The following SLIT3 variants were observed in gnomAD, a reference collection of about 807,000 sequenced individuals.
The protein encoded by SLIT3 is slit homolog 3 protein.
A neutral mutation model predicts 184.0 loss-of-function variants in SLIT3; 68 were observed. The observed-to-expected ratio is 0.37, with a 90% CI of 0.30 to 0.45. The LOEUF (loss-of-function observed/expected upper bound fraction) is 0.45. SLIT3 is among the 20% of genes least tolerant of loss of function. The probability of loss-of-function intolerance (pLI) is 1.00; values close to 1 mark genes in which losing one functional copy is unlikely to be tolerated. For missense variants in SLIT3, 1,707 were observed against 2,026.0 expected (o/e 0.84, Z 3.02); for synonymous variants, 831 against 828.6 (o/e 1.00, Z -0.05).
intron 3 of SLIT3, among the ~76,000 whole-genome samples, chr5:169,229,703 G>A (rs1764932984): frequency 6.6e-6 from 1 of 151,586 alleles, no homozygotes; most frequent in African/African-American, 2.4e-5. Flanking sequence ...TGATGATGAT[G>A]AGGGAGAGGA....
chr5:168,679,288 G>A (rs1402364115), intron 32 of SLIT3, among the ~76,000 whole-genome samples: 2 of 152,116 alleles, frequency 1.3e-5, no homozygotes, highest in African/African-American at 4.8e-5. Flanking sequence ...AAACTCCTGG[G>A]CTCAGGCGAT....
intron 4 of SLIT3, among the ~76,000 whole-genome samples, chr5:168,946,713 C>T (rs928602867): frequency 7.2e-5 from 11 of 152,278 alleles, no homozygotes; most frequent in Admixed American, 1.3e-4. Flanking sequence ...TGGGGTCTTT[C>T]GACACCGGAC....
intron 18 of SLIT3, 25 bp downstream of exon 18, chr5:168,752,929 TG>T: frequency 6.2e-7 from 1 of 1,611,738 alleles, no homozygotes; most frequent in Non-Finnish European, 8.5e-7. Context: ...CCAGAGTCCG[TG>T]GGCAGTGGAC....
chr5:169,128,271 TA>T (rs1232975972), intron 4 of SLIT3, among the ~76,000 whole-genome samples: 16 of 147,908 alleles, frequency 1.1e-4, no homozygotes, highest in African/African-American at 2.9e-4. Context: ...TACATATATA[TA>T]TTTATATATA....
intron 4 of SLIT3, among the ~76,000 whole-genome samples, chr5:168,929,188 T>G (rs1180425128): frequency 6.6e-6 from 1 of 152,146 alleles, no homozygotes; most frequent in Non-Finnish European, 1.5e-5. Context: ...CAGCAAGTGC[T>G]TCCCAACTCT....
At chr5:168,768,081 G>T in intron 14 of SLIT3, 1 of 405,868 alleles carries the variant, frequency 2.5e-6, no homozygotes, top group Non-Finnish European at 5.1e-6. Context: ...GGCAGGTGGT[G>T]GGCTGCGGTG....
chr5:169,225,343 T>C (rs940087361), intron 3 of SLIT3, among the ~76,000 whole-genome samples: 1 of 152,224 alleles, frequency 6.6e-6, no homozygotes, highest in Non-Finnish European at 1.5e-5. Context: ...TAACTGGAGA[T>C]GTAAGGACAA....
At chr5:168,926,002 A>G (rs1282982892) in intron 4 of SLIT3, among the ~76,000 whole-genome samples, 3 of 152,234 alleles carry the variant, frequency 2.0e-5, no homozygotes, top group Non-Finnish European at 4.4e-5. Context: ...GATCTACGGA[A>G]GGCATGTTTT....
At chr5:169,125,641 G>A (rs772970709) in intron 4 of SLIT3, among the ~76,000 whole-genome samples, 2 of 152,098 alleles carry the variant, frequency 1.3e-5, no homozygotes, top group Non-Finnish European at 1.5e-5. Context: ...AGTGACAAAC[G>A]GCAGCTGGCT....
At chr5:168,959,254 T>C (rs1181749120) in intron 4 of SLIT3, among the ~76,000 whole-genome samples, 1 of 152,264 alleles carries the variant, frequency 6.6e-6, no homozygotes, top group African/African-American at 2.4e-5. Flanking sequence ...TGTCTCACTC[T>C]GGGCCTCAGT....
chr5:169,297,057 G>A (rs1315126736), intron 1 of SLIT3, among the ~76,000 whole-genome samples: 2 of 152,182 alleles, frequency 1.3e-5, no homozygotes, highest in Admixed American at 6.5e-5. Flanking sequence ...TAGTCAGAAG[G>A]GTAAGTGCAA....
intron 4 of SLIT3, among the ~76,000 whole-genome samples, chr5:168,914,844 T>A (rs1388415507): frequency 6.6e-6 from 1 of 152,116 alleles, no homozygotes; most frequent in African/African-American, 2.4e-5. Context: ...ACATGCCCCA[T>A]CTGAGGATGG....
chr5:169,242,975 A>G (rs1765455023), intron 3 of SLIT3, among the ~76,000 whole-genome samples: 1 of 152,108 alleles, frequency 6.6e-6, no homozygotes, highest in Non-Finnish European at 1.5e-5. Context: ...GCACATGAGT[A>G]TGAAAGAACA....
At chr5:169,156,475 T>C (rs1053648120) in intron 4 of SLIT3, among the ~76,000 whole-genome samples, 1 of 152,250 alleles carries the variant, frequency 6.6e-6, no homozygotes, top group African/African-American at 2.4e-5. Context: ...AGCCTGGTTC[T>C]AGGATCTGCA....
At chr5:168,925,516 G>T (rs1174582986) in intron 4 of SLIT3, among the ~76,000 whole-genome samples, 1 of 152,144 alleles carries the variant, frequency 6.6e-6, no homozygotes, top group Non-Finnish European at 1.5e-5. Flanking sequence ...GCCATCACAG[G>T]CAGATACTGA....
intron 8 of SLIT3, among the ~76,000 whole-genome samples, 163 bp from the exon 9 acceptor site, chr5:168,806,750 G>A (rs1215794666): frequency 6.6e-6 from 1 of 152,164 alleles, no homozygotes; most frequent in East Asian, 1.9e-4. Flanking sequence ...AGGTGCCACA[G>A]GCTAAATATT....
At position 168,666,704 on chromosome 5, in the gene SLIT3, G is replaced by T. The variant is rs2113152469; in HGVS notation, c.4337-15C>A. The T allele has an allele frequency of 4.3e-6, 7 of 1,614,066 alleles. No individual in the cohort carries two copies. The highest frequency in any genetic ancestry group is 5.9e-6 in the Non-Finnish European group (7 of 1,180,042). On this transcript the variant is annotated splice_polypyrimidine_tract_variant and intron_variant, in intron 35 of 35. Transcript: ENST00000519560. ...GCACGGATTCTCTGCAGAGGGCATA[G>T]AAGTCAGGGCATTGGTGGTCTAGGT...
rs7706296 is a variant in SLIT3 at position 168,684,642 on chromosome 5, G to C, written c.3556-546C>G. Among the ~76,000 whole-genome samples, 542 of 151,742 alleles carry C rather than the reference G, an allele frequency of 3.6e-3. 4 individuals carry two copies. Among genetic ancestry groups the C allele is most frequent in the African/African-American group, 0.012 (488 of 41,392 alleles). On this transcript the variant is annotated intron_variant, in intron 31 of 35. Transcript: ENST00000519560. ...TTACCACCACACCCTGCTAATTTTT[G>C]TATTTTTAGTAGAGACGGGATTTCA...
chr5:168,832,587 T>C (rs1401907363), intron 6 of SLIT3, among the ~76,000 whole-genome samples: 1 of 152,218 alleles, frequency 6.6e-6, no homozygotes, highest in Non-Finnish European at 1.5e-5. Context: ...ACAAACACAA[T>C]TGCCTACGGG....
Sources: allele counts gnomAD v4.1 joint callset (sites outside exome capture counted in the v4.1 genomes callset), GRCh38; gene constraint gnomAD v4.1.1; transcripts MANE v1.5; gene names NCBI Gene and HGNC (gene_info 2026-07-23, HGNC 2026-07-21).